The following SLC35A1 variants were observed in gnomAD, a reference collection of about 807,000 sequenced individuals.
The protein encoded by SLC35A1 is solute carrier family 35 member A1.
SLC35A1 carries 21 observed loss-of-function variants against 40.3 expected under a neutral mutation model. That is an observed-to-expected ratio of 0.52 (90% confidence interval 0.37 to 0.75). The LOEUF (loss-of-function observed/expected upper bound fraction) is 0.75. Ranked by LOEUF, SLC35A1 falls within the 30% of genes least tolerant of loss-of-function variation. The pLI is 0.00. For synonymous variants in SLC35A1, 146 were observed against 147.3 expected, an observed-to-expected ratio of 0.99 and a Z score of 0.06; for missense variants, 297 against 382.1, an observed-to-expected ratio of 0.78 and a Z score of 1.86.
At chr6:87,490,541 C>T (rs1769517887) in intron 2 of SLC35A1, among the ~76,000 whole-genome samples, 1 of 151,984 alleles carries the variant, frequency 6.6e-6, no homozygotes, top group East Asian at 1.9e-4. Flanking sequence ...ACCATGTTGG[C>T]CAGGCTGGTC....
chr6:87,497,557 G>A (rs1769771659), intron 2 of SLC35A1, among the ~76,000 whole-genome samples: 1 of 152,158 alleles, frequency 6.6e-6, no homozygotes, highest in South Asian at 2.1e-4. Flanking sequence ...AAAGAAAAGA[G>A]TGGGGAGAAA....
chr6:87,500,078 G>T (rs944554058), intron 2 of SLC35A1, among the ~76,000 whole-genome samples: 2 of 151,974 alleles, frequency 1.3e-5, no homozygotes, highest in African/African-American at 4.8e-5. Flanking sequence ...CTCCAGCCGG[G>T]GCGACACAAC....
intron 1 of SLC35A1, among the ~76,000 whole-genome samples, chr6:87,474,017 T>G (rs1768998059): frequency 6.6e-6 from 1 of 152,286 alleles, no homozygotes; most frequent in Non-Finnish European, 1.5e-5. Context: ...ATGTCTTCTT[T>G]CTGTTTCATT....
rs2127969648 is a variant in SLC35A1, at chr6:87,492,003, A to G, written c.195-8505A>G. ...ACATACAACAAAACATTTTTGTTTT[A>G]TGACATTCTTCTATTTGTGTGAACA... is the stretch of plus-strand genomic sequence containing the variant. On this transcript the variant is annotated intron_variant, in intron 2 of 7. Coordinates refer to ENST00000369552, the MANE Select transcript of SLC35A1 (RefSeq NM_006416.5). Among the ~76,000 whole-genome samples the G allele has an allele frequency of 2.0e-5, 3 of 152,330 alleles. No homozygotes were observed. In the South Asian group the frequency reaches 6.2e-4, roughly 32 times the overall value.
At chr6:87,477,049 A>G (rs1035112041) in intron 1 of SLC35A1, among the ~76,000 whole-genome samples, 1 of 152,106 alleles carries the variant, frequency 6.6e-6, no homozygotes, top group Non-Finnish European at 1.5e-5. Flanking sequence ...ACCAATATAT[A>G]TATAATGTAA....
In SLC35A1 at chr6:87,511,923, C is replaced by T. The variant is rs1009174454; in HGVS notation, c.*397C>T. 2.7e-5 allele frequency: 7 copies of T among 255,428 alleles called. No individual in the cohort carries two copies. The highest frequency in any genetic ancestry group is 4.6e-5 in the Non-Finnish European group (6 of 129,608). 15.8% of individuals were successfully genotyped at this position (255,428 alleles called of 1,614,324 possible). A position where few individuals can be genotyped will look rare whatever the true frequency, so the allele number is the denominator to read the frequency against. ...ACTAACTGTTCTCTTGTTCCGGTAC[C>T]GGGGAGAAGGATGACCCCTCCTTAT... On this transcript the variant is annotated 3_prime_UTR_variant, in exon 8 of 8. Transcript: ENST00000369552.
chr6:87,498,298 C>T (rs770782575), intron 2 of SLC35A1, among the ~76,000 whole-genome samples: 2 of 152,068 alleles, frequency 1.3e-5, no homozygotes, highest in Non-Finnish European at 2.9e-5. Flanking sequence ...GCACTTCATA[C>T]AGTCTGTAAA....
chr6:87,475,133 GA>G (rs570227582), intron 1 of SLC35A1, among the ~76,000 whole-genome samples: 2 of 151,830 alleles, frequency 1.3e-5, no homozygotes, highest in Non-Finnish European at 2.9e-5. Context: ...CTGTTGTAGG[GA>G]AAAAAAAGTA....
Position 87,508,452 on chromosome 6 carries a change from G to C in SLC35A1, c.607G>C (p.Asp203His), listed in dbSNP as rs768180522. ...TTTTGAAAAAGTTTTAAAGAGTTCA[G>C]ATACTTCTCTTTGGGTGAGAAACAT... ...VYFEKVLKSS[D>H]TSLWVRNIQM... Residue 203 changes from aspartate to histidine, a missense_variant, in exon 6 of 8, where the codon GAT (aspartate) becomes CAT (histidine). Coordinates refer to ENST00000369552, the MANE Select transcript of SLC35A1 (RefSeq NM_006416.5). 7 of 1,610,604 alleles carry C rather than the reference G, an allele frequency of 4.3e-6. No homozygotes were observed. In the Admixed American group the frequency reaches 1.2e-4, roughly 27 times the overall value.
At chr6:87,501,059 T>C in intron 3 of SLC35A1, 99 bp from the exon 4 acceptor site, 3 of 1,221,860 alleles carry the variant, frequency 2.5e-6, no homozygotes, top group Non-Finnish European at 3.6e-6. Flanking sequence ...CATTATCAAA[T>C]ATTTTTTATT....
intron 6 of SLC35A1, among the ~76,000 whole-genome samples, chr6:87,508,834 A>G (rs1281922188): frequency 6.6e-6 from 1 of 152,208 alleles, no homozygotes; most frequent in African/African-American, 2.4e-5. Flanking sequence ...AATAGACCAC[A>G]TAGCCCTCTG....
chr6:87,512,262 CAAT>C lies in SLC35A1; in HGVS notation c.*740_*742del. The C allele has an allele frequency of 6.6e-6, 1 of 152,616 alleles. No individual in the cohort carries two copies. The highest frequency in any genetic ancestry group is 6.5e-5 in the Admixed American group (1 of 15,292). The allele number at this position is 152,616 out of a possible 1,614,324, so 9.5% of individuals were successfully genotyped here. On this transcript the variant is annotated 3_prime_UTR_variant, in exon 8 of 8. Transcript: ENST00000369552. ...AAAGTATGTTTAACTGTTGGGCTCT[CAAT>C]AATTTGTGAAATTTCAGTGTTTTCT...
chr6:87,502,473 G>A (rs1769948366), intron 4 of SLC35A1, among the ~76,000 whole-genome samples: 1 of 152,132 alleles, frequency 6.6e-6, no homozygotes, highest in Non-Finnish European at 1.5e-5. Flanking sequence ...AGATGGTATA[G>A]ACTACTTACT....
In SLC35A1 at chr6:87,501,304, AGTG is replaced by A. The variant is rs1470057717; in HGVS notation, c.507_507+2del. 2 of 1,613,540 alleles carry A rather than the reference AGTG, an allele frequency of 1.2e-6. No homozygotes were observed. Among genetic ancestry groups the A allele is most frequent in the African/African-American group, 1.3e-5 (1 of 74,936 alleles). ...AGTGGAAACCAGCCCAAGCTACAAA[AGTG>A]GTGGTAAGAAACAAAATGCACACCA... On this transcript the variant is annotated inframe_deletion, in exon 4 of 8. Coordinates refer to ENST00000369552, the MANE Select transcript of SLC35A1 (RefSeq NM_006416.5).
At chr6:87,482,255 T>TC (rs1769266383) in intron 2 of SLC35A1, among the ~76,000 whole-genome samples, 2 of 137,750 alleles carry the variant, frequency 1.5e-5, no homozygotes, top group Admixed American at 7.4e-5. Context: ...TCCTTTTTTT[T>TC]CCCCCAAGAT....
chr6:87,509,214 G>C (rs1178739075), intron 7 of SLC35A1, 39 bp downstream of exon 7: 3 of 1,611,942 alleles, frequency 1.9e-6, no homozygotes, highest in Non-Finnish European at 8.5e-7. Context: ...ACATGGAAGA[G>C]CCTCCCATTT....
chr6:87,478,103 C>T (rs1463308192), intron 2 of SLC35A1, among the ~76,000 whole-genome samples: 1 of 152,138 alleles, frequency 6.6e-6, no homozygotes, highest in Non-Finnish European at 1.5e-5. Context: ...TACTTTACCC[C>T]TGTTTTATTG....
rs1582197158 is a variant in SLC35A1 at position 87,508,424 on chromosome 6, A to G, written c.579A>G (p.Val193=). Residue 193 remains valine, a synonymous_variant, in exon 6 of 8, where the codon GTA becomes GTG. Transcript: ENST00000369552. ...GCATGTCTAATTTTCTTTCAGGAGT[A>G]TATTTTGAAAAAGTTTTAAAGAGTT... ...IAVLCSGFAG[V]YFEKVLKSSD... is the part of the protein sequence containing the mutation. The G allele has an allele frequency of 1.3e-6, 2 of 1,592,360 alleles. No individual in the cohort carries two copies. The highest frequency in any genetic ancestry group is 1.7e-6 in the Non-Finnish European group (2 of 1,162,044).
chr6:87,486,465 A>G (rs146391728), intron 2 of SLC35A1, among the ~76,000 whole-genome samples: 2,097 of 152,324 alleles, frequency 0.014, 17 homozygotes, highest in Middle Eastern at 0.044. Flanking sequence ...TCAAACCTCA[A>G]TTATATACTC....
Sources: allele counts gnomAD v4.1 joint callset (sites outside exome capture counted in the v4.1 genomes callset), GRCh38; gene constraint gnomAD v4.1.1; transcripts MANE v1.5; gene names NCBI Gene and HGNC (gene_info 2026-07-23, HGNC 2026-07-21).